AGBL1: variants seen among roughly 807,000 people sequenced by gnomAD.
AGBL1 encodes the protein AGBL carboxypeptidase 1, also known as cytosolic carboxypeptidase 4.
In AGBL1, 130 loss-of-function variants were observed where a neutral mutation model predicts 118.9. That is an observed-to-expected ratio of 1.09 (90% CI 0.95 to 1.26). The LOEUF (loss-of-function observed/expected upper bound fraction) is 1.26. Among genes scored for constraint, AGBL1 ranks in the 50% most tolerant of loss-of-function variants. The probability of loss-of-function intolerance (pLI) is 0.00; values close to 1 mark genes in which losing one functional copy is unlikely to be tolerated. For synonymous variants in AGBL1, 555 were observed against 478.9 expected, an observed-to-expected ratio of 1.16 and a Z score of -2.08; for missense variants, 1,584 against 1,298.1, an observed-to-expected ratio of 1.22 and a Z score of -3.38.
At chr15:86,162,670 C>T (rs1017493005) in intron 5 of AGBL1, among the ~76,000 whole-genome samples, 5 of 152,232 alleles carry the variant, frequency 3.3e-5, no homozygotes, top group Non-Finnish European at 7.3e-5. Flanking sequence ...CAGTTATGGT[C>T]AGACTTAAAC....
intron 22 of AGBL1, among the ~76,000 whole-genome samples, chr15:86,784,067 T>C (rs2078372608): frequency 6.6e-6 from 1 of 152,012 alleles, no homozygotes; most frequent in Non-Finnish European, 1.5e-5. Context: ...CTGTGCAATT[T>C]TGCACAATCT....
intron 22 of AGBL1, among the ~76,000 whole-genome samples, chr15:86,815,240 A>G (rs1269070311): frequency 4.6e-5 from 7 of 152,296 alleles, no homozygotes; most frequent in African/African-American, 1.7e-4. Flanking sequence ...TAGATGATTT[A>G]GGAGATATTT....
chr15:86,111,649 A>G (rs1054360459), intron 1 of AGBL1, among the ~76,000 whole-genome samples: 2 of 152,208 alleles, frequency 1.3e-5, no homozygotes, highest in Non-Finnish European at 2.9e-5. Context: ...GTTTCCTGGG[A>G]GAACAAGTTG....
At chr15:86,087,630 C>T (rs1895752293) in intron 1 of AGBL1, among the ~76,000 whole-genome samples, 1 of 152,150 alleles carries the variant, frequency 6.6e-6, no homozygotes, top group South Asian at 2.1e-4. Flanking sequence ...GCACCCCGCC[C>T]TCATTTAATC....
At chr15:86,517,639 G>T (rs2142190788) in intron 18 of AGBL1, among the ~76,000 whole-genome samples, 1 of 152,186 alleles carries the variant, frequency 6.6e-6, no homozygotes, top group Middle Eastern at 3.4e-3. Context: ...ACCTGTGTTA[G>T]ATCTCTTATC....
chr15:86,266,855 C>A, intron 12 of AGBL1, 135 bp from the exon 13 acceptor site: 1 of 763,824 alleles, frequency 1.3e-6, no homozygotes, highest in Non-Finnish European at 2.1e-6. Flanking sequence ...GAGCTGACAT[C>A]CCGCCCTGCA....
At chr15:86,488,617 T>G (rs2082739837) in intron 18 of AGBL1, among the ~76,000 whole-genome samples, 1 of 152,038 alleles carries the variant, frequency 6.6e-6, no homozygotes, top group Non-Finnish European at 1.5e-5. Flanking sequence ...GTTTCCTCCC[T>G]TCAGCCTTCT....
chr15:86,959,598 G>A (rs185139897), intron 23 of AGBL1, among the ~76,000 whole-genome samples: 18 of 152,160 alleles, frequency 1.2e-4, no homozygotes, highest in Non-Finnish European at 1.8e-4. Flanking sequence ...CAGGAGAGAT[G>A]AATTAAAATT....
chr15:86,981,846 G>A (rs1485654821), intron 23 of AGBL1, among the ~76,000 whole-genome samples: 2 of 152,160 alleles, frequency 1.3e-5, no homozygotes, highest in African/African-American at 4.8e-5. Context: ...AGACATCTGA[G>A]ATGATTATGG....
At chr15:86,246,555 G>A (rs996639472) in intron 6 of AGBL1, among the ~76,000 whole-genome samples, 10 of 152,190 alleles carry the variant, frequency 6.6e-5, no homozygotes, top group Non-Finnish European at 8.8e-5. Flanking sequence ...TTTTACTGTG[G>A]TCAGCAGATG....
chr15:86,462,719 A>T (rs1252958168), intron 18 of AGBL1, among the ~76,000 whole-genome samples: 1 of 152,144 alleles, frequency 6.6e-6, no homozygotes, highest in African/African-American at 2.4e-5. Flanking sequence ...TTTGCTGAGA[A>T]TGATGGTTTC....
In AGBL1 at chr15:86,911,686, G is replaced by C. The variant is rs2080354226; in HGVS notation, c.*4392G>C. ...ACACAGCTCCCTAAATGTACTTTTT[G>C]ATTTTTCTAACATTTTCACATTTTT... is the stretch of plus-strand genomic sequence containing the variant. On this transcript the variant is annotated 3_prime_UTR_variant, in exon 23 of 23. Coordinates refer to ENST00000614907, the MANE Select transcript of AGBL1 (RefSeq NM_001386094.1). 1 of 152,070 alleles carries C rather than the reference G, an allele frequency of 6.6e-6. No homozygotes were observed. The highest frequency in any genetic ancestry group is 1.5e-5 in the Non-Finnish European group (1 of 68,006). The allele number at this position is 152,070 out of a possible 1,614,324, so 9.4% of individuals were successfully genotyped here.
chr15:86,142,043 G>C lies in AGBL1; in HGVS notation c.91G>C (p.Val31Leu), dbSNP rs763882177. The C allele has an allele frequency of 5.8e-6, 9 of 1,550,162 alleles. No individual in the cohort carries two copies. In the South Asian group the frequency reaches 1.1e-4, roughly 18 times the overall value. The change falls in exon 2 of 23, where the codon GTC (valine) becomes CTC (leucine). Residue 31 changes from valine (V) to leucine (L), a missense_variant. Transcript: ENST00000614907. ...GGAGTCCATCCTGACCATCCTCAAG[G>C]TCCTCGGAGATCTGCTTTCTGTTGG... ...DKESILTILK[V>L]LGDLLSVGTD...
chr15:86,117,224 G>A (rs542382292), intron 1 of AGBL1, among the ~76,000 whole-genome samples: 13 of 152,134 alleles, frequency 8.5e-5, no homozygotes, highest in East Asian at 3.9e-4. Context: ...AGAACACCCC[G>A]GGCTCTGGGA....
chr15:86,565,514 A>G (rs2083899661), intron 21 of AGBL1, among the ~76,000 whole-genome samples: 2 of 152,194 alleles, frequency 1.3e-5, no homozygotes, highest in South Asian at 2.1e-4. Context: ...AGGGGTACCC[A>G]GCCATGTGAC....
intron 22 of AGBL1, among the ~76,000 whole-genome samples, chr15:86,821,201 T>G (rs192372548): frequency 7.6e-4 from 115 of 152,124 alleles, no homozygotes; most frequent in Non-Finnish European, 1.4e-3. Context: ...GGGGAGGGGA[T>G]AGCATTAGGA....
chr15:86,623,577 C>G (rs17626769), intron 21 of AGBL1, among the ~76,000 whole-genome samples: 11,750 of 152,206 alleles, frequency 0.077, 596 homozygotes, highest in Non-Finnish European at 0.09. Flanking sequence ...GATGCTTGTT[C>G]TTGCTCTCTT....
At chr15:86,140,623 T>A (rs185214934) in intron 1 of AGBL1, among the ~76,000 whole-genome samples, 6 of 152,312 alleles carry the variant, frequency 3.9e-5, no homozygotes, top group Non-Finnish European at 5.9e-5. Flanking sequence ...ATGTCAGGGC[T>A]GAGCCCAGAG....
At chr15:86,866,411 G>C (rs2079630846) in intron 22 of AGBL1, among the ~76,000 whole-genome samples, 1 of 152,150 alleles carries the variant, frequency 6.6e-6, no homozygotes, top group Admixed American at 6.5e-5. Flanking sequence ...CTGTGATCTT[G>C]TTTCTGTGAC....
Sources: allele counts gnomAD v4.1 joint callset (sites outside exome capture counted in the v4.1 genomes callset), GRCh38; gene constraint gnomAD v4.1.1; transcripts MANE v1.5; gene names NCBI Gene and HGNC (gene_info 2026-07-23, HGNC 2026-07-21).